Variants in PATL1 observed in about 807,000 individuals in gnomAD.
PATL1 encodes PAT1 homolog 1, processing body mRNA decay factor.
Under a neutral mutation model 100.6 loss-of-function variants are expected in PATL1, and 32 were observed. The observed-to-expected ratio is 0.32, with a 90% confidence interval of 0.24 to 0.43. The LOEUF is 0.43. PATL1 is among the 20% of genes least tolerant of loss of function. The pLI is 1.00. For missense variants in PATL1, 747 were observed against 949.9 expected, an observed-to-expected ratio of 0.79 and a Z score of 2.81; for synonymous variants, 332 against 330.0, an observed-to-expected ratio of 1.01 and a Z score of -0.07.
chr11:59,642,737 G>A (rs1333960030), intron 16 of PATL1, 143 bp downstream of exon 16: 2 of 851,398 alleles, frequency 2.3e-6, no homozygotes, highest in East Asian at 5.3e-5. Context: ...GTTATTTCTA[G>A]CCGGTTACTA....
Position 59,652,064 on chromosome 11 carries a change from C to CAAAAAAAAAAAAA in PATL1, c.1426+387_1426+399dup, listed in dbSNP as rs748019832. Among the ~76,000 whole-genome samples the CAAAAAAAAAAAAA allele has an allele frequency of 6.6e-3, 347 of 52,956 alleles. 14 individuals carry two copies. The highest frequency in any genetic ancestry group is 0.014 in the African/African-American group (190 of 14,032). The allele number at this position is 52,956 out of a possible 152,430, so 34.7% of individuals were successfully genotyped here. On this transcript the variant is annotated intron_variant, in intron 11 of 18. Transcript: ENST00000300146. The stretch of plus-strand genomic sequence containing the variant: ...TGGACAACAGAGTAAGGCTCTTTCT[C>CAAAAAAAAAAAAA]AAAAAAAAAAAAAAAAAAAAAAAAA...
In PATL1 at chr11:59,668,907, G is replaced by A. The variant is rs902217946; in HGVS notation, c.-12C>T. On this transcript the variant is annotated 5_prime_UTR_variant, in exon 1 of 19. Transcript: ENST00000300146. ...TCGTAGCGGAACATTCTTGGGGAGG[G>A]GGGCAGGGAGCGGGGAGGGGAGAGG... is the stretch of plus-strand genomic sequence containing the variant. 8.7e-6 allele frequency: 7 copies of A among 804,496 alleles called. No homozygotes were observed. The highest frequency in any genetic ancestry group is 3.8e-5 in the Admixed American group (1 of 26,376). The allele number at this position is 804,496 out of a possible 1,614,324, so 49.8% of individuals were successfully genotyped here. A position where few individuals can be genotyped will look rare whatever the true frequency, so the allele number is the denominator to read the frequency against.
rs540617642 is a variant in PATL1 at position 59,656,715 on chromosome 11, T to G, written c.622-115A>C. ...CGAACTCAATGCAAAGCCCTACTTC[T>G]AAGCAAATTGCTATGGCTACAGGTT... On this transcript the variant is annotated intron_variant, in intron 5 of 18. Coordinates refer to ENST00000300146, the MANE Select transcript of PATL1 (RefSeq NM_152716.3). 7.1e-6 allele frequency: 6 copies of G among 850,820 alleles called. No homozygotes were observed. In the South Asian group the frequency reaches 8.5e-5, roughly 12 times the overall value. The allele number at this position is 850,820 out of a possible 1,614,324, so 52.7% of individuals were successfully genotyped here. A position where few individuals can be genotyped will look rare whatever the true frequency, so the allele number is the denominator to read the frequency against.
chr11:59,651,446 C>A (rs1272327315), intron 12 of PATL1, 98 bp downstream of exon 12: 23 of 957,966 alleles, frequency 2.4e-5, no homozygotes, highest in Non-Finnish European at 3.5e-5. Context: ...GGTTAGACTA[C>A]AAACAACTCT....
At chr11:59,666,386 A>T (rs891593556) in intron 2 of PATL1, among the ~76,000 whole-genome samples, 16 of 152,258 alleles carry the variant, frequency 1.1e-4, no homozygotes, top group Non-Finnish European at 1.5e-4. Context: ...TATTTTGAAG[A>T]TACTATAAGT....
intron 16 of PATL1, among the ~76,000 whole-genome samples, chr11:59,642,408 G>C (rs768381065): frequency 1.3e-5 from 2 of 152,166 alleles, no homozygotes; most frequent in Non-Finnish European, 2.9e-5. Context: ...ACTTAGGTGT[G>C]GCCATGTGAC....
intron 2 of PATL1, among the ~76,000 whole-genome samples, chr11:59,660,158 T>G (rs914776345): frequency 3.9e-5 from 6 of 152,192 alleles, no homozygotes; most frequent in Non-Finnish European, 8.8e-5. Flanking sequence ...ACTCATAGCA[T>G]TAGCATACAA....
In PATL1 at chr11:59,666,984, ATTAG is replaced by A. The variant is rs1423441861; in HGVS notation, c.16-24_16-21del. ...CAAAGACTAAAAAAAAAGAAAAGAC[ATTAG>A]TTATTCATGAAATTCACACCCTCAT... is the stretch of plus-strand genomic sequence containing the variant. On this transcript the variant is annotated intron_variant, in intron 1 of 18. Coordinates refer to ENST00000300146, the MANE Select transcript of PATL1 (RefSeq NM_152716.3). 7 of 1,533,352 alleles carry A rather than the reference ATTAG, an allele frequency of 4.6e-6. No individual in the cohort carries two copies. Among genetic ancestry groups the A allele is most frequent in the Non-Finnish European group, 5.2e-6 (6 of 1,142,866 alleles). 95.0% of individuals were successfully genotyped at this position (1,533,352 alleles called of 1,614,324 possible). A position where few individuals can be genotyped will look rare whatever the true frequency, so the allele number is the denominator to read the frequency against.
At position 59,656,614 on chromosome 11, in the gene PATL1, C is replaced by T; in HGVS notation, c.622-14G>A. ...CGGACACAGAATCTATCAGGACAAA[C>T]ATATATACAACTACACTCAATGAAA... On this transcript the variant is annotated splice_polypyrimidine_tract_variant and intron_variant, in intron 5 of 18. Transcript: ENST00000300146. 1 of 1,603,872 alleles carries T rather than the reference C, an allele frequency of 6.2e-7. No homozygotes were observed. Among genetic ancestry groups the T allele is most frequent in the Non-Finnish European group, 8.5e-7 (1 of 1,170,932 alleles).
chr11:59,651,665 ATTCC>A, intron 11 of PATL1, 24 bp from the exon 12 acceptor site: 7 of 1,431,920 alleles, frequency 4.9e-6, no homozygotes, highest in Non-Finnish European at 6.8e-6. Flanking sequence ...AAAAAAAAAA[ATTCC>A]AACAAAATAA....
chr11:59,640,246 CAGG>C (rs774339852), intron 16 of PATL1, among the ~76,000 whole-genome samples: 10 of 150,426 alleles, frequency 6.6e-5, no homozygotes, highest in Non-Finnish European at 1.5e-4. Context: ...GAGGCTGAGG[CAGG>C]AGAATTGTTG....
Position 59,638,062 on chromosome 11 carries a change from G to GT in PATL1, c.*327dup. The stretch of plus-strand genomic sequence containing the variant: ...TTGGCAGGCTACAATCTACTCTGAG[G>GT]TGGAGTAGTGGAGGGATAAAGGGAG... On this transcript the variant is annotated 3_prime_UTR_variant, in exon 19 of 19. Transcript: ENST00000300146. The GT allele has an allele frequency of 3.0e-6, 1 of 334,328 alleles. No individual in the cohort carries two copies. The highest frequency in any genetic ancestry group is 4.5e-5 in the South Asian group (1 of 22,454). 20.7% of individuals were successfully genotyped at this position (334,328 alleles called of 1,614,324 possible). A position where few individuals can be genotyped will look rare whatever the true frequency, so the allele number is the denominator to read the frequency against.
chr11:59,651,715 G>T (rs1861446200), intron 11 of PATL1, 74 bp from the exon 12 acceptor site: 1 of 937,150 alleles, frequency 1.1e-6, no homozygotes, highest in Admixed American at 2.3e-5. Context: ...GTTCAAAGAA[G>T]ATTTTTACTT....
At chr11:59,663,581 A>C (rs1451695497) in intron 2 of PATL1, among the ~76,000 whole-genome samples, 1 of 152,214 alleles carries the variant, frequency 6.6e-6, no homozygotes, top group East Asian at 1.9e-4. Flanking sequence ...TATGAGGATT[A>C]ACAATATATG....
In PATL1 at chr11:59,649,509, A is replaced by G; in HGVS notation, c.1686T>C (p.Ile562=). The G allele has an allele frequency of 6.2e-7, 1 of 1,613,878 alleles. No individual in the cohort carries two copies. The highest frequency in any genetic ancestry group is 8.5e-7 in the Non-Finnish European group (1 of 1,179,870). ...PALMDDRKHK[I]CSMYDNLRGK... The stretch of plus-strand genomic sequence containing the variant: ...CCCTTAAGTTGTCATACATGCTACA[A>G]ATTTTGTGCTTTCTGTCATCCATTA... The change falls in exon 14 of 19, where the codon ATT becomes ATC. Residue 562 remains isoleucine (I), a synonymous_variant. Coordinates refer to ENST00000300146, the MANE Select transcript of PATL1 (RefSeq NM_152716.3).
chr11:59,647,813 T>A lies in PATL1; in HGVS notation c.1834A>T (p.Ile612Phe). ...PFLSTEQAAD[I>F]LMTTARNLPF... ...AGGTTCCTGGCTGTTGTCATGAGAA[T>A]GTCAGCTGCTTGCTCTGTGGAGAGG... The change falls in exon 15 of 19, where the codon ATT becomes TTT. Residue 612 changes from isoleucine to phenylalanine, a missense_variant. Coordinates refer to ENST00000300146, the MANE Select transcript of PATL1 (RefSeq NM_152716.3). The A allele has an allele frequency of 6.2e-7, 1 of 1,613,994 alleles. No individual in the cohort carries two copies. The highest frequency in any genetic ancestry group is 8.5e-7 in the Non-Finnish European group (1 of 1,179,874).
rs1861443609 is a variant in PATL1 at position 59,651,559 on chromosome 11, A to G, written c.1509T>C (p.Ser503=). Residue 503 remains serine, a synonymous_variant, in exon 12 of 19, where the codon TCT becomes TCC. Transcript: ENST00000300146. Reference sequence around the variant, plus strand: ...TGACACTTACATCATCCTCACTCCGAGATGTCACAACAGCATCAATCATTT... The same window carrying G: ...TGACACTTACATCATCCTCACTCCGGGATGTCACAACAGCATCAATCATTT... ...PRKMIDAVVT[S]RSEDDETKEK... is the part of the protein sequence containing the mutation. The G allele has an allele frequency of 6.2e-7, 1 of 1,610,414 alleles. No individual in the cohort carries two copies. The highest frequency in any genetic ancestry group is 8.5e-7 in the Non-Finnish European group (1 of 1,177,818).
Position 59,657,622 on chromosome 11 carries a change from A to C in PATL1, c.529T>G (p.Ser177Ala). ...GGACTGCCAATGATAGGTGAAGTTG[A>C]CCGCCTTGGTAATGCTCGTTCAGAA... ...DLSERALPRR[S>A]TSPIIGSPPV... Residue 177 changes from serine to alanine, a missense_variant, in exon 5 of 19, where the codon TCA becomes GCA. Ser to Ala is a moderately conservative substitution (Grantham distance 99, BLOSUM62 1). Coordinates refer to ENST00000300146, the MANE Select transcript of PATL1 (RefSeq NM_152716.3). 1 of 1,613,126 alleles carries C rather than the reference A, an allele frequency of 6.2e-7. No homozygotes were observed. Among genetic ancestry groups the C allele is most frequent in the Non-Finnish European group, 8.5e-7 (1 of 1,179,814 alleles).
rs188636466 is a variant in PATL1, at chr11:59,660,758, T to C, written c.128-1289A>G. ...TGGAAATTTTCATTTGGCTTAACTT[T>C]TAAAAGAATCACTCTGGCTGCTGTG... On this transcript the variant is annotated intron_variant, in intron 2 of 18. Transcript: ENST00000300146. 1.9e-3 allele frequency among the ~76,000 whole-genome samples: 285 copies of C among 152,308 alleles called. 2 individuals carry two copies. The highest frequency in any genetic ancestry group is 3.9e-3 in the South Asian group (19 of 4,826).
Sources: allele counts gnomAD v4.1 joint callset (sites outside exome capture counted in the v4.1 genomes callset), GRCh38; gene constraint gnomAD v4.1.1; transcripts MANE v1.5; gene names NCBI Gene and HGNC (gene_info 2026-07-23, HGNC 2026-07-21).